HIGD1C: variants seen among roughly 807,000 people sequenced by gnomAD.
The protein encoded by HIGD1C is HIG1 hypoxia inducible domain family member 1C, also known as HIG1 domain family member 1C.
A neutral mutation model predicts 13.1 loss-of-function variants in HIGD1C; 11 were observed. That is an observed-to-expected ratio of 0.84 (90% CI 0.53 to 1.39). HIGD1C has a LOEUF of 1.39. HIGD1C is among the 40% of genes most tolerant of loss of function. HIGD1C has a pLI of 0.00. For synonymous variants in HIGD1C, 36 were observed against 37.7 expected (o/e 0.95, Z 0.17); for missense variants, 110 against 112.0 (o/e 0.98, Z 0.08).
the HIGD1C span, among the ~76,000 whole-genome samples, chr12:50,939,291 G>T: frequency 6.6e-6 from 1 of 152,110 alleles, no homozygotes; most frequent in African/African-American, 2.4e-5. Context: ...GGAATTACAG[G>T]CATCTGCCAC....
At chr12:50,949,276 T>TGAGCAAAATTTGAG (rs1435975828), upstream of HIGD1C, 6 of 154,198 alleles carry the variant, frequency 3.9e-5, no homozygotes, top group Non-Finnish European at 7.3e-5. Flanking sequence ...GCCATGGCTT[T>TGAGCAAAATTTGAG]CAGGAAATTT....
exon 3 of HIGD1C, chr12:50,970,451 A>G: frequency 6.7e-7 from 1 of 1,492,726 alleles, no homozygotes; most frequent in Admixed American, 2.0e-5. Flanking sequence ...GGTGTTCTCT[A>G]TTCTATGTAT....
chr12:50,947,730 G>A, the HIGD1C span, among the ~76,000 whole-genome samples: 2,085 of 152,248 alleles, frequency 0.014, 53 homozygotes, highest in African/African-American at 0.046. Flanking sequence ...CCACATCAGC[G>A]AAACCAGCAA....
chr12:50,970,676 A>G (rs185005316), downstream of HIGD1C, among the ~76,000 whole-genome samples: 1 of 152,358 alleles, frequency 6.6e-6, no homozygotes, highest in East Asian at 1.9e-4. Context: ...ATCAACAATC[A>G]TAAACAGTCA....
At chr12:50,958,407 G>C (rs951857887) in intron 1 of HIGD1C, among the ~76,000 whole-genome samples, 1 of 149,194 alleles carries the variant, frequency 6.7e-6, no homozygotes, top group Non-Finnish European at 1.5e-5. Context: ...TCAGCCTCCC[G>C]AGTAGCTGGG....
intron 2 of HIGD1C, among the ~76,000 whole-genome samples, chr12:50,964,114 G>C (rs1939450668): frequency 6.6e-6 from 1 of 151,872 alleles, no homozygotes; most frequent in South Asian, 2.1e-4. Context: ...CACTTCTTAT[G>C]TTAGATGATA....
chr12:50,967,599 T>G (rs1262754256), intron 2 of HIGD1C, among the ~76,000 whole-genome samples: 1 of 152,148 alleles, frequency 6.6e-6, no homozygotes, highest in Non-Finnish European at 1.5e-5. Flanking sequence ...TTTAAGAAAC[T>G]ATTTTGCTAC....
At chr12:50,945,812 A>G in the HIGD1C span, among the ~76,000 whole-genome samples, 3 of 152,106 alleles carry the variant, frequency 2.0e-5, no homozygotes, top group Non-Finnish European at 2.9e-5. Context: ...GAGGCATCAC[A>G]CTACCTGACT....
intron 1 of HIGD1C, among the ~76,000 whole-genome samples, chr12:50,960,285 A>C (rs573314222): frequency 1.3e-5 from 2 of 152,230 alleles, no homozygotes; most frequent in Non-Finnish European, 2.9e-5. Context: ...TTTACTCCTT[A>C]TTTGGTAACA....
the HIGD1C span, among the ~76,000 whole-genome samples, chr12:50,938,805 A>C: frequency 6.6e-6 from 1 of 152,218 alleles, no homozygotes. Flanking sequence ...AGAACTTGCC[A>C]GTTATTGCCT....
intron 1 of HIGD1C, among the ~76,000 whole-genome samples, chr12:50,960,104 T>C (rs1006185313): frequency 2.0e-5 from 3 of 152,222 alleles, no homozygotes; most frequent in African/African-American, 7.2e-5. Flanking sequence ...ATTCACCCCT[T>C]GACATTTGTA....
chr12:50,970,480 C>G (rs556882245), exon 3 of HIGD1C: 2 of 1,534,124 alleles, frequency 1.3e-6, no homozygotes, highest in Non-Finnish European at 1.8e-6. Context: ...CATTAGACCA[C>G]GATTCTTCAG....
chr12:50,959,048 C>T (rs1293394718), intron 1 of HIGD1C, among the ~76,000 whole-genome samples: 2 of 152,126 alleles, frequency 1.3e-5, no homozygotes, highest in African/African-American at 2.4e-5. Flanking sequence ...AAGATGCACA[C>T]TTTTACTGTG....
Position 50,970,424 on chromosome 12 carries a change from A to G in HIGD1C, c.230-18A>G. On this transcript the variant is annotated intron_variant, in intron 2 of 2. Coordinates refer to ENST00000398455, the Ensembl canonical transcript of HIGD1C. ...TTTCCCATGGATACTCAATTGATAT[A>G]CATCCTTCTTTTTCTAGGTGTTCTC... The G allele has an allele frequency of 7.7e-7, 1 of 1,293,832 alleles. No homozygotes were observed. The highest frequency in any genetic ancestry group is 1.1e-6 in the Non-Finnish European group (1 of 915,022). 80.1% of individuals were successfully genotyped at this position (1,293,832 alleles called of 1,614,324 possible).
At position 50,964,356 on chromosome 12, in the gene HIGD1C, T is replaced by G. The variant is rs1259698064; in HGVS notation, c.229+3254T>G. The stretch of plus-strand genomic sequence containing the variant: ...TTTGACTGGTGGGGTGACCCAAACC[T>G]TCATTCCTTCATGCCTAACCTGGAT... On this transcript the variant is annotated intron_variant, in intron 2 of 2. Coordinates refer to ENST00000398455, the Ensembl canonical transcript of HIGD1C. Among the ~76,000 whole-genome samples the G allele has an allele frequency of 2.6e-5, 4 of 152,224 alleles. No individual in the cohort carries two copies. In the East Asian group the frequency reaches 7.7e-4, roughly 29 times the overall value.
At chr12:50,948,461 C>T in the HIGD1C span, among the ~76,000 whole-genome samples, 1 of 152,060 alleles carries the variant, frequency 6.6e-6, no homozygotes, top group East Asian at 1.9e-4. Context: ...GTGGGAATGC[C>T]AATATATTAA....
chr12:50,971,171 C>T (rs901352884), downstream of HIGD1C, among the ~76,000 whole-genome samples: 3 of 149,906 alleles, frequency 2.0e-5, no homozygotes, highest in East Asian at 1.9e-4. Flanking sequence ...TGAGCCACGG[C>T]GCCGAGCCAC....
chr12:50,965,772 G>A (rs1298611684), intron 2 of HIGD1C, among the ~76,000 whole-genome samples: 1 of 152,178 alleles, frequency 6.6e-6, no homozygotes, highest in Non-Finnish European at 1.5e-5. Flanking sequence ...AGGTACCCTG[G>A]TAAATGAGCA....
At chr12:50,937,561 G>A in the HIGD1C span, among the ~76,000 whole-genome samples, 2 of 152,136 alleles carry the variant, frequency 1.3e-5, no homozygotes, top group East Asian at 3.9e-4. Context: ...AGGGTGGTGT[G>A]TGCTTCAGTC....
Sources: gnomAD v4.1 joint callset for allele counts (sites outside exome capture counted in the v4.1 genomes callset) on GRCh38, gnomAD v4.1.1 for gene constraint, MANE v1.5 for transcripts, NCBI Gene and HGNC (gene_info 2026-07-23, HGNC 2026-07-21) for gene names.